ZNF461: variants seen among roughly 807,000 people sequenced by gnomAD.
ZNF461 encodes gonadotropin-inducible ovarian transcription factor-1.
A neutral mutation model predicts 18.3 loss-of-function variants in ZNF461; 16 were observed. The ratio of observed to expected loss-of-function variants is 0.88; its 90% CI spans 0.59 to 1.33. ZNF461 has a LOEUF of 1.33. ZNF461 is among the 40% of genes most tolerant of loss of function. The pLI, the probability that ZNF461 is intolerant of heterozygous loss-of-function variation, is 0.00. For missense variants in ZNF461, 595 were observed against 669.9 expected (o/e 0.89, Z 1.23); for synonymous variants, 179 against 216.9 (o/e 0.83, Z 1.54).
intron 4 of ZNF461, among the ~76,000 whole-genome samples, chr19:36,655,615 C>CA (rs903163755): frequency 4.6e-5 from 7 of 152,186 alleles, no homozygotes; most frequent in Admixed American, 2.6e-4. Context: ...AACAAACAAA[C>CA]AAAAATTAAT....
rs1228014349 is a variant in ZNF461 at position 36,656,538 on chromosome 19, A to G, written c.142T>C (p.Ser48Pro). The change falls in exon 4 of 6, where the codon TCT becomes CCT. Residue 48 changes from serine (S) to proline (P), a missense_variant. Coordinates refer to ENST00000588268, the MANE Select transcript of ZNF461 (RefSeq NM_153257.5). ...NYSNLVSLGL[S>P]VSKPAVISSL... Reference sequence around the variant, plus strand: ...GAGATTACGGCTGGCTTAGAAACAGAAAGTCCTAGTTATAAGAAAAGAAAT... The same window carrying G: ...GAGATTACGGCTGGCTTAGAAACAGGAAGTCCTAGTTATAAGAAAAGAAAT... 1 of 1,613,644 alleles carries G rather than the reference A, an allele frequency of 6.2e-7. No individual in the cohort carries two copies.
chr19:36,654,762 G>A (rs2037687658), intron 4 of ZNF461, among the ~76,000 whole-genome samples: 1 of 151,928 alleles, frequency 6.6e-6, no homozygotes, highest in Non-Finnish European at 1.5e-5. Context: ...AAACTTTCCT[G>A]GTTGATCTCC....
rs1184771907 is a variant in ZNF461, at chr19:36,637,958, T to A, written c.*695A>T. The A allele has an allele frequency of 1.6e-5, 5 of 317,634 alleles. No individual in the cohort carries two copies. The highest frequency in any genetic ancestry group is 2.5e-5 in the Non-Finnish European group (4 of 161,328). 19.7% of individuals were successfully genotyped at this position (317,634 alleles called of 1,614,324 possible). A position where few individuals can be genotyped will look rare whatever the true frequency, so the allele number is the denominator to read the frequency against. On this transcript the variant is annotated 3_prime_UTR_variant, in exon 6 of 6. Transcript: ENST00000588268. ...ATTAAACAAAAAATTTAGAAGATTT[T>A]AAAAAATAAATGTAATGTCAAAATA...
intron 4 of ZNF461, among the ~76,000 whole-genome samples, chr19:36,649,862 A>AT (rs2037596048): frequency 6.6e-6 from 1 of 152,140 alleles, no homozygotes; most frequent in South Asian, 2.1e-4. Context: ...TACAATTTGT[A>AT]TTTTTCAATT....
intron 3 of ZNF461, among the ~76,000 whole-genome samples, chr19:36,657,471 ACT>A (rs2037743876): frequency 6.7e-6 from 1 of 149,090 alleles, no homozygotes; most frequent in South Asian, 2.1e-4. Flanking sequence ...CAAAAGTGAA[ACT>A]CTGTCTCAAA....
chr19:36,641,097 TG>T (rs2037415632), intron 5 of ZNF461, among the ~76,000 whole-genome samples: 1 of 152,214 alleles, frequency 6.6e-6, no homozygotes, highest in African/African-American at 2.4e-5. Context: ...CTAGATTTTT[TG>T]TATAGCGGGC....
chr19:36,647,749 A>G (rs566436271), intron 4 of ZNF461, among the ~76,000 whole-genome samples: 1 of 152,248 alleles, frequency 6.6e-6, no homozygotes, highest in Non-Finnish European at 1.5e-5. Context: ...CTCATGTGGA[A>G]TTGTAATCCC....
intron 4 of ZNF461, among the ~76,000 whole-genome samples, chr19:36,654,921 G>A (rs1434122863): frequency 6.6e-6 from 1 of 152,056 alleles, no homozygotes; most frequent in Non-Finnish European, 1.5e-5. Flanking sequence ...TCCCCTGTTA[G>A]ATTGAAAACG....
chr19:36,648,228 CTCTT>C (rs2037563060), intron 4 of ZNF461, among the ~76,000 whole-genome samples: 1 of 151,874 alleles, frequency 6.6e-6, no homozygotes, highest in Non-Finnish European at 1.5e-5. Context: ...CCCACTCTCT[CTCTT>C]GCTCCTGCTT....
At chr19:36,652,007 C>A (rs1054533571) in intron 4 of ZNF461, among the ~76,000 whole-genome samples, 2 of 151,954 alleles carry the variant, frequency 1.3e-5, no homozygotes, top group African/African-American at 4.8e-5. Flanking sequence ...ACAGAGAATG[C>A]AGAAAGAGAG....
chr19:36,663,709 T>C (rs1319404101), intron 2 of ZNF461, among the ~76,000 whole-genome samples: 1 of 151,768 alleles, frequency 6.6e-6, no homozygotes, highest in African/African-American at 2.4e-5. Context: ...CAAATTTTTT[T>C]TGTAGAGGTG....
chr19:36,646,259 TA>T (rs997133330), intron 4 of ZNF461, among the ~76,000 whole-genome samples: 1 of 151,958 alleles, frequency 6.6e-6, no homozygotes, highest in African/African-American at 2.4e-5. Flanking sequence ...GCCTCCCCAG[TA>T]GCTGGGATTA....
chr19:36,664,137 G>T (rs540393345), intron 2 of ZNF461, among the ~76,000 whole-genome samples: 3 of 152,122 alleles, frequency 2.0e-5, no homozygotes, highest in African/African-American at 4.8e-5. Context: ...TCTGTTAAAA[G>T]ATTTCACGTA....
chr19:36,656,300 C>G, intron 4 of ZNF461, 148 bp downstream of exon 4: 1 of 720,558 alleles, frequency 1.4e-6, no homozygotes. Context: ...TATCTTTATG[C>G]CAGTACCACA....
chr19:36,648,592 T>C (rs1037122733), intron 4 of ZNF461, among the ~76,000 whole-genome samples: 16 of 152,242 alleles, frequency 1.1e-4, no homozygotes, highest in Admixed American at 8.5e-4. Context: ...GTTTTTGGTT[T>C]TGTTTTTCAG....
At chr19:36,648,215 C>T (rs1189555461) in intron 4 of ZNF461, among the ~76,000 whole-genome samples, 1 of 151,748 alleles carries the variant, frequency 6.6e-6, no homozygotes, top group African/African-American at 2.4e-5. Flanking sequence ...CCTCCCCACG[C>T]CCCCCACTCT....
intron 4 of ZNF461, among the ~76,000 whole-genome samples, chr19:36,654,272 C>T (rs936306596): frequency 6.6e-6 from 1 of 151,964 alleles, no homozygotes; most frequent in Non-Finnish European, 1.5e-5. Flanking sequence ...TCCATGATTC[C>T]TCTCTATTAG....
At position 36,637,859 on chromosome 19, in the gene ZNF461, A is replaced by T. The variant is rs2037326760; in HGVS notation, c.*794T>A. The stretch of plus-strand genomic sequence containing the variant: ...TTGCATCTGTGGAAAGTGAGTGGCT[A>T]CAGAACTGGATGTTAGGGGAGAATT... On this transcript the variant is annotated 3_prime_UTR_variant, in exon 6 of 6. Coordinates refer to ENST00000588268, the MANE Select transcript of ZNF461 (RefSeq NM_153257.5). 2.3e-6 allele frequency: 1 copy of T among 432,004 alleles called. No homozygotes were observed. The allele number at this position is 432,004 out of a possible 1,614,324, so 26.8% of individuals were successfully genotyped here. A position where few individuals can be genotyped will look rare whatever the true frequency, so the allele number is the denominator to read the frequency against.
chr19:36,639,281 T>C lies in ZNF461; in HGVS notation c.1064A>G (p.Lys355Arg), dbSNP rs761665139. The C allele has an allele frequency of 6.2e-7, 1 of 1,614,132 alleles. No homozygotes were observed. The highest frequency in any genetic ancestry group is 8.5e-7 in the Non-Finnish European group (1 of 1,180,020). ...TEHLRLHTGE[K>R]PYECKECGKT... is the part of the protein sequence containing the mutation. ...TCCACATTCTTTACATTCATAAGGT[T>C]TCTCTCCAGTATGGAGTCGCAGGTG... is the stretch of plus-strand genomic sequence containing the variant. The change falls in exon 6 of 6, where the codon AAA (lysine) becomes AGA (arginine). Residue 355 changes from lysine to arginine, a missense_variant. By Grantham distance (26) the Lys-to-Arg change is conservative. Coordinates refer to ENST00000588268, the MANE Select transcript of ZNF461 (RefSeq NM_153257.5).
Sources: gnomAD v4.1 joint callset for allele counts (sites outside exome capture counted in the v4.1 genomes callset) on GRCh38, gnomAD v4.1.1 for gene constraint, MANE v1.5 for transcripts, NCBI Gene and HGNC (gene_info 2026-07-23, HGNC 2026-07-21) for gene names.